CPSF4L: variants seen among roughly 807,000 people sequenced by gnomAD.
CPSF4L encodes cleavage and polyadenylation specific factor 4 like.
A neutral mutation model predicts 24.0 loss-of-function variants in CPSF4L; 18 were observed. The observed-to-expected ratio is 0.75, with a 90% CI of 0.52 to 1.11. The LOEUF (loss-of-function observed/expected upper bound fraction) is 1.11, where lower values mean the gene tolerates loss of function less well. Ranked by LOEUF, CPSF4L falls within the 50% of genes least tolerant of loss-of-function variation. The pLI, the probability that CPSF4L is intolerant of heterozygous loss-of-function variation, is 0.00. For missense variants in CPSF4L, 211 were observed against 221.8 expected, an observed-to-expected ratio of 0.95 and a Z score of 0.31; for synonymous variants, 72 against 77.2, an observed-to-expected ratio of 0.93 and a Z score of 0.35.
intron 3 of CPSF4L, among the ~76,000 whole-genome samples, chr17:73,256,019 G>A (rs577614208): frequency 4.0e-4 from 61 of 152,224 alleles, no homozygotes; most frequent in Non-Finnish European, 6.6e-4. Flanking sequence ...TTTGATATTC[G>A]AAAGCCATAT....
chr17:73,260,441 C>T (rs1344826179), intron 2 of CPSF4L, among the ~76,000 whole-genome samples: 1 of 152,150 alleles, frequency 6.6e-6, no homozygotes, highest in Non-Finnish European at 1.5e-5. Context: ...GTGGATCCAA[C>T]CACTTATCCT....
At position 73,253,261 on chromosome 17, in the gene CPSF4L, G is replaced by A. The variant is rs373594476; in HGVS notation, c.404-538C>T. 1.4e-4 allele frequency among the ~76,000 whole-genome samples: 21 copies of A among 152,292 alleles called. No individual in the cohort carries two copies. The East Asian group carries it at 1.9e-3, about 14-fold the overall frequency. On this transcript the variant is annotated intron_variant, in intron 4 of 5. Transcript: ENST00000344935. ...TGTAACCCCAGCTACTTGGGAGGCCGAGGCAGGAGAATTGCTTGAACCTGG... is the reference window on the plus strand; with the variant it reads ...TGTAACCCCAGCTACTTGGGAGGCCAAGGCAGGAGAATTGCTTGAACCTGG...
downstream of CPSF4L, chr17:73,245,699 G>A (rs1286102474): frequency 2.0e-6 from 2 of 985,278 alleles, no homozygotes; most frequent in Admixed American, 1.2e-4. Flanking sequence ...AGAAACACAA[G>A]AGCTAAGGAT....
downstream of CPSF4L, chr17:73,248,293 T>G (rs539755244): frequency 3.5e-6 from 2 of 578,642 alleles, no homozygotes; most frequent in African/African-American, 3.8e-5. Context: ...CAGAAGCCAG[T>G]ACGCTTCAGG....
At chr17:73,242,381 G>T in the CPSF4L span, 1 of 1,457,874 alleles carries the variant, frequency 6.9e-7, no homozygotes, top group Non-Finnish European at 9.3e-7. Context: ...GTTGTCTTCT[G>T]TTGCAGGTTC....
chr17:73,249,557 T>A (rs1475885301), intron 5 of CPSF4L, among the ~76,000 whole-genome samples: 1 of 152,160 alleles, frequency 6.6e-6, no homozygotes, highest in Non-Finnish European at 1.5e-5. Flanking sequence ...GCCAGGCACC[T>A]GTCTTTTTAC....
In CPSF4L at chr17:73,261,775, A is replaced by G; in HGVS notation, c.44T>C (p.Phe15Ser). Residue 15 changes from phenylalanine (F) to serine (S), a missense_variant, in exon 1 of 6, where the codon TTC (phenylalanine) becomes TCC (serine). Physicochemically the swap from Phe to Ser is radical, Grantham distance 155. Transcript: ENST00000344935. ...IAGLERFTFAFEKDVEMQKGT... is the reference protein window; with the variant it reads ...IAGLERFTFASEKDVEMQKGT... ...CTTCTGCATCTCGACATCCTTCTCG[A>G]AGGCAAAGGTGAACCGCTCTAGCCC... 6.4e-7 allele frequency: 1 copy of G among 1,551,812 alleles called. No homozygotes were observed. Among genetic ancestry groups the G allele is most frequent in the South Asian group, 1.2e-5 (1 of 84,066 alleles).
downstream of CPSF4L, chr17:73,247,121 C>T: frequency 1.2e-6 from 1 of 831,466 alleles, no homozygotes; most frequent in Non-Finnish European, 1.9e-6. Flanking sequence ...AAAACAAGCC[C>T]TGCTCATTTG....
downstream of CPSF4L, chr17:73,247,256 C>T (rs1455980096): frequency 3.1e-6 from 5 of 1,614,006 alleles, no homozygotes; most frequent in African/African-American, 5.3e-5. Flanking sequence ...TTGTGCCGAC[C>T]CCTGCCCTGG....
At chr17:73,256,262 T>C (rs2062024419) in intron 3 of CPSF4L, among the ~76,000 whole-genome samples, 2 of 152,208 alleles carry the variant, frequency 1.3e-5, no homozygotes, top group African/African-American at 2.4e-5. Flanking sequence ...CAAGGGGAAC[T>C]TGGATAAACA....
In CPSF4L at chr17:73,261,615, T is replaced by C. The variant is rs1431686458; in HGVS notation, c.103+101A>G. ...GGCAGAGCTTGCAATGAGCCGAGAT[T>C]GTGCCACTACACTCCAGCCTGGGCT... On this transcript the variant is annotated intron_variant, in intron 1 of 5. Coordinates refer to ENST00000344935, the MANE Select transcript of CPSF4L (RefSeq NM_001129885.1). The C allele has an allele frequency of 6.2e-6, 5 of 803,018 alleles. No homozygotes were observed. In the Admixed American group the frequency reaches 6.5e-5, roughly 11 times the overall value. The allele number at this position is 803,018 out of a possible 1,614,324, so 49.7% of individuals were successfully genotyped here. A position where few individuals can be genotyped will look rare whatever the true frequency, so the allele number is the denominator to read the frequency against.
intron 1 of CPSF4L, among the ~76,000 whole-genome samples, chr17:73,261,434 G>A (rs566656320): frequency 6.6e-6 from 1 of 152,358 alleles, no homozygotes; most frequent in South Asian, 2.1e-4. Flanking sequence ...GGCCAAGGCG[G>A]GCGGATCACG....
chr17:73,242,323 A>G, the CPSF4L span: 8 of 1,602,898 alleles, frequency 5.0e-6, no homozygotes, highest in Admixed American at 1.0e-4. Context: ...ACTTCTCTCT[A>G]ATGAGGCTCT....
rs56896799 is a variant in CPSF4L, at chr17:73,255,515, G to GA, written c.308-1490dup. Among the ~76,000 whole-genome samples, 1,016 of 117,766 alleles carry GA rather than the reference G, an allele frequency of 8.6e-3. 7 individuals are homozygous for GA. Among genetic ancestry groups the GA allele is most frequent in the South Asian group, 0.01 (37 of 3,526 alleles). 77.3% of individuals were successfully genotyped at this position (117,766 alleles called of 152,430 possible). A position where few individuals can be genotyped will look rare whatever the true frequency, so the allele number is the denominator to read the frequency against. On this transcript the variant is annotated intron_variant, in intron 3 of 5. Coordinates refer to ENST00000344935, the MANE Select transcript of CPSF4L (RefSeq NM_001129885.1). Reference sequence around the variant, plus strand: ...GTGCGAGACTCTGTCTCCAAAAAAAGAAAAAAAAAAAAAAAAAAGGAGAGT... The same window carrying GA: ...GTGCGAGACTCTGTCTCCAAAAAAAGAAAAAAAAAAAAAAAAAAAGGAGAGT...
chr17:73,257,631 C>T, intron 3 of CPSF4L, 50 bp downstream of exon 3: 1 of 1,541,522 alleles, frequency 6.5e-7, no homozygotes, highest in Admixed American at 2.0e-5. Context: ...ATCTCACAGC[C>T]CACACTGCCA....
At chr17:73,251,814 T>C (rs1317283000) in intron 5 of CPSF4L, among the ~76,000 whole-genome samples, 4 of 152,244 alleles carry the variant, frequency 2.6e-5, no homozygotes, top group Non-Finnish European at 4.4e-5. Context: ...CTTGGGTCTA[T>C]AGAGTGTGTG....
At chr17:73,251,121 G>C in intron 5 of CPSF4L, 1 of 1,530,742 alleles carries the variant, frequency 6.5e-7, no homozygotes, top group Non-Finnish European at 8.8e-7. Flanking sequence ...AAGTGCAGTC[G>C]TGAGAAAACA....
At position 73,248,470 on chromosome 17, in the gene CPSF4L, G is replaced by T. The variant is rs375016493; in HGVS notation, c.*24C>A. 1.7e-4 allele frequency: 270 copies of T among 1,550,666 alleles called. No individual in the cohort carries two copies. The highest frequency in any genetic ancestry group is 2.3e-4 in the Non-Finnish European group (266 of 1,146,196). ...TCTGCCCTGTCTGTGGCATTGGAGT[G>T]CCCCGCTAGGTAAGAAGCAACGCTT... On this transcript the variant is annotated 3_prime_UTR_variant, in exon 6 of 6. Coordinates refer to ENST00000344935, the MANE Select transcript of CPSF4L (RefSeq NM_001129885.1).
At chr17:73,250,327 C>T (rs1057032577) in intron 5 of CPSF4L, 3 of 1,549,888 alleles carry the variant, frequency 1.9e-6, no homozygotes, top group African/African-American at 1.4e-5. Flanking sequence ...AAGTGAATGG[C>T]ATGACTTTTT....
Sources: allele counts gnomAD v4.1 joint callset (sites outside exome capture counted in the v4.1 genomes callset), GRCh38; gene constraint gnomAD v4.1.1; transcripts MANE v1.5; gene names NCBI Gene and HGNC (gene_info 2026-07-23, HGNC 2026-07-21).